The following CACNA2D3 variants were observed in gnomAD, a reference collection of about 807,000 sequenced individuals.
The protein encoded by CACNA2D3 is voltage-dependent calcium channel subunit alpha-2/delta-3.
CACNA2D3 carries 60 observed loss-of-function variants against 160.6 expected under a neutral mutation model. The observed-to-expected ratio is 0.37, with a 90% confidence interval of 0.30 to 0.46. The LOEUF (loss-of-function observed/expected upper bound fraction) is 0.46. CACNA2D3 is among the 20% of genes least tolerant of loss of function. The pLI is 1.00. For missense variants in CACNA2D3, 1,205 were observed against 1,365.0 expected (o/e 0.88, Z 1.85); for synonymous variants, 558 against 492.9 (o/e 1.13, Z -1.75).
chr3:55,059,792 G>A (rs559506971), intron 35 of CACNA2D3, among the ~76,000 whole-genome samples: 16 of 152,208 alleles, frequency 1.1e-4, no homozygotes, highest in African/African-American at 3.9e-4. Context: ...GGATTGGGGG[G>A]TGGAAAGGGA....
intron 2 of CACNA2D3, among the ~76,000 whole-genome samples, chr3:54,221,697 A>G (rs1173709463): frequency 6.6e-6 from 1 of 152,242 alleles, no homozygotes; most frequent in Non-Finnish European, 1.5e-5. Flanking sequence ...GTGTTTGTAT[A>G]TAACGTATGT....
rs186136084 is a variant in CACNA2D3, at chr3:55,040,582, G to A, written c.2987+22265G>A. 5.9e-3 allele frequency among the ~76,000 whole-genome samples: 864 copies of A among 147,046 alleles called. 6 individuals are homozygous for A. Among genetic ancestry groups the A allele is most frequent in the African/African-American group, 0.02 (808 of 40,280 alleles). ...CACCTGTAGTCCCAGCTACTCAGGA[G>A]GCTAAAGCGGGAGGATCACTTGAGC... On this transcript the variant is annotated intron_variant, in intron 35 of 37. Transcript: ENST00000474759.
At chr3:54,274,531 A>G (rs925290568) in intron 2 of CACNA2D3, among the ~76,000 whole-genome samples, 1 of 152,190 alleles carries the variant, frequency 6.6e-6, no homozygotes, top group African/African-American at 2.4e-5. Flanking sequence ...TATCTATTGT[A>G]TTGCAAATTA....
At chr3:55,001,949 G>A (rs373535702) in intron 31 of CACNA2D3, among the ~76,000 whole-genome samples, 1 of 152,148 alleles carries the variant, frequency 6.6e-6, no homozygotes, top group South Asian at 2.1e-4. Context: ...ACAAGGTCAG[G>A]AGTTCGAGAC....
intron 35 of CACNA2D3, among the ~76,000 whole-genome samples, chr3:55,052,668 C>G (rs527988548): frequency 7.9e-5 from 12 of 152,134 alleles, no homozygotes; most frequent in Middle Eastern, 3.4e-3. Context: ...GAGGTTTGGT[C>G]ATTAGATACA....
chr3:55,065,079 CT>C lies in CACNA2D3; in HGVS notation c.2988-8365del, dbSNP rs547010500. Among the ~76,000 whole-genome samples, 55 of 152,280 alleles carry C rather than the reference CT, an allele frequency of 3.6e-4. No homozygotes were observed. The East Asian group carries it at 5.2e-3, about 14-fold the overall frequency. ...ATTAGCCTGCTCTGAGTGTTTTATC[CT>C]AAGCATGATGCTAAATTTGATTCAC... On this transcript the variant is annotated intron_variant, in intron 35 of 37. Transcript: ENST00000474759.
intron 2 of CACNA2D3, among the ~76,000 whole-genome samples, chr3:54,311,443 A>C (rs1286441448): frequency 6.6e-6 from 1 of 152,228 alleles, no homozygotes; most frequent in Non-Finnish European, 1.5e-5. Flanking sequence ...TATATGCTGC[A>C]TAGGCATCCC....
intron 35 of CACNA2D3, among the ~76,000 whole-genome samples, chr3:55,069,304 A>C (rs2107231292): frequency 6.6e-6 from 1 of 152,310 alleles, no homozygotes; most frequent in East Asian, 1.9e-4. Context: ...TTTTTATTGA[A>C]ATTGCTTTGA....
At chr3:55,038,369 C>T (rs1046253726) in intron 35 of CACNA2D3, among the ~76,000 whole-genome samples, 2 of 152,080 alleles carry the variant, frequency 1.3e-5, no homozygotes, top group African/African-American at 4.8e-5. Context: ...CACCAAATGC[C>T]TAAAGCAGTT....
intron 18 of CACNA2D3, among the ~76,000 whole-genome samples, chr3:54,872,760 C>G (rs1699566458): frequency 6.6e-6 from 1 of 152,212 alleles, no homozygotes. Context: ...TCTACTTAAA[C>G]CCAAGTTTAG....
intron 5 of CACNA2D3, among the ~76,000 whole-genome samples, chr3:54,522,551 C>A (rs6789926): frequency 0.64 from 97,555 of 152,016 alleles, 31,557 homozygotes; most frequent in Non-Finnish European, 0.66. Flanking sequence ...AGAATACCAT[C>A]AAGTGAGTAA....
intron 2 of CACNA2D3, among the ~76,000 whole-genome samples, chr3:54,288,851 G>A (rs921525669): frequency 1.3e-5 from 2 of 152,070 alleles, no homozygotes; most frequent in South Asian, 2.1e-4. Context: ...ATGCAGAAAA[G>A]GCCTTTGACA....
chr3:54,647,960 A>G (rs1387891075), intron 11 of CACNA2D3, among the ~76,000 whole-genome samples: 1 of 152,252 alleles, frequency 6.6e-6, no homozygotes, highest in African/African-American at 2.4e-5. Flanking sequence ...ATGAACTCCA[A>G]TATGAGAGGA....
chr3:54,572,144 C>T (rs980739103), intron 8 of CACNA2D3, among the ~76,000 whole-genome samples: 5 of 138,936 alleles, frequency 3.6e-5, no homozygotes, highest in East Asian at 4.1e-4. Flanking sequence ...ACATGGTGGC[C>T]GAGGGGATTG....
intron 2 of CACNA2D3, among the ~76,000 whole-genome samples, chr3:54,203,878 G>A (rs1373800957): frequency 1.3e-5 from 2 of 152,050 alleles, no homozygotes; most frequent in Non-Finnish European, 1.5e-5. Flanking sequence ...GCCCATGACA[G>A]GGGTATGGCG....
intron 27 of CACNA2D3, among the ~76,000 whole-genome samples, chr3:54,927,106 G>T (rs1293272560): frequency 6.6e-6 from 1 of 152,206 alleles, no homozygotes; most frequent in Non-Finnish European, 1.5e-5. Flanking sequence ...GCTCTTGAAA[G>T]GGGCTTTGTT....
intron 11 of CACNA2D3, among the ~76,000 whole-genome samples, chr3:54,701,612 G>A (rs1453489800): frequency 6.6e-6 from 1 of 152,094 alleles, no homozygotes; most frequent in East Asian, 1.9e-4. Context: ...AAACAAATGG[G>A]AAAACACTTT....
At chr3:54,932,796 T>C (rs1286359380) in intron 27 of CACNA2D3, among the ~76,000 whole-genome samples, 1 of 152,216 alleles carries the variant, frequency 6.6e-6, no homozygotes, top group Non-Finnish European at 1.5e-5. Context: ...AACCATGTGG[T>C]ATGGCGATCT....
chr3:54,412,610 C>CTTTTTTTTTTTTTTTT (rs774491527), intron 4 of CACNA2D3, among the ~76,000 whole-genome samples: 19 of 120,580 alleles, frequency 1.6e-4, no homozygotes, highest in South Asian at 5.5e-4. Context: ...TGGTCTTGTT[C>CTTTTTTTTTTTTTTTT]TTTTTTTTTT....
Sources: gnomAD v4.1 joint callset for allele counts (sites outside exome capture counted in the v4.1 genomes callset) on GRCh38, gnomAD v4.1.1 for gene constraint, MANE v1.5 for transcripts, NCBI Gene and HGNC (gene_info 2026-07-23, HGNC 2026-07-21) for gene names.